The following BCAR3 variants were observed in gnomAD, a reference collection of about 807,000 sequenced individuals.
The protein encoded by BCAR3 is breast cancer anti-estrogen resistance protein 3.
A neutral mutation model predicts 80.1 loss-of-function variants in BCAR3; 37 were observed. The observed-to-expected ratio is 0.46, with a 90% CI of 0.36 to 0.61. The LOEUF (loss-of-function observed/expected upper bound fraction) is 0.61. BCAR3 is among the 20% of genes least tolerant of loss of function. The pLI is 0.00. For synonymous variants in BCAR3, 389 were observed against 418.9 expected (o/e 0.93, Z 0.87); for missense variants, 978 against 1,068.2 (o/e 0.92, Z 1.18).
In BCAR3 at chr1:93,562,275, A is replaced by G; in HGVS notation, c.2444T>C (p.Leu815Ser). The change falls in exon 12 of 12, where the codon TTG (leucine) becomes TCG (serine). Residue 815 changes from leucine (L) to serine (S), a missense_variant. Physicochemically the swap from Leu to Ser is moderately radical, Grantham distance 145 (BLOSUM62 -2). Coordinates refer to ENST00000260502, the MANE Select transcript of BCAR3 (RefSeq NM_003567.4). The stretch of plus-strand genomic sequence containing the variant: ...TGCCTGCTTTACAGGAGGAGGTTCC[A>G]ATTTACGCGAGAGGGCAGTTAAAAT... The part of the protein sequence containing the change: ...NQILTALSRK[L>S]EPPPVKQAEL The G allele has an allele frequency of 6.2e-7, 1 of 1,614,032 alleles. No homozygotes were observed. Among genetic ancestry groups the G allele is most frequent in the Non-Finnish European group, 8.5e-7 (1 of 1,179,942 alleles).
intron 11 of BCAR3, 60 bp downstream of exon 11, chr1:93,567,219 A>C: frequency 1.2e-5 from 18 of 1,469,436 alleles, no homozygotes; most frequent in Non-Finnish European, 1.7e-5. Context: ...ATGCTCTTCC[A>C]TTCCTTCATT....
intron 5 of BCAR3, among the ~76,000 whole-genome samples, chr1:93,587,761 C>A (rs1053911357): frequency 1.3e-5 from 2 of 150,874 alleles, no homozygotes; most frequent in African/African-American, 4.9e-5. Flanking sequence ...AGATTAGAAG[C>A]TGGGAGCCGG....
intron 2 of BCAR3, among the ~76,000 whole-genome samples, chr1:93,660,588 A>T (rs1408453934): frequency 6.6e-6 from 1 of 152,268 alleles, no homozygotes; most frequent in Non-Finnish European, 1.5e-5. Flanking sequence ...TTAGATTAGC[A>T]GGTTATTTAC....
chr1:93,616,808 G>T (rs1052605788), intron 3 of BCAR3, among the ~76,000 whole-genome samples: 2 of 152,138 alleles, frequency 1.3e-5, no homozygotes, highest in Non-Finnish European at 2.9e-5. Context: ...GAAGGGAGGG[G>T]CCCAGTCAGG....
chr1:93,751,192 G>T (rs1007364092), intron 2 of BCAR3, among the ~76,000 whole-genome samples: 2 of 152,120 alleles, frequency 1.3e-5, no homozygotes, highest in African/African-American at 2.4e-5. Context: ...TCAGTTCCAT[G>T]GGGAGGAAGT....
chr1:93,771,445 A>G (rs1441180643), intron 2 of BCAR3, among the ~76,000 whole-genome samples: 1 of 152,210 alleles, frequency 6.6e-6, no homozygotes, highest in Non-Finnish European at 1.5e-5. Context: ...TCTGTTTCCT[A>G]TTAAGACTCT....
chr1:93,788,072 CTTT>C (rs1310427758), intron 2 of BCAR3, among the ~76,000 whole-genome samples: 1 of 152,076 alleles, frequency 6.6e-6, no homozygotes, highest in Non-Finnish European at 1.5e-5. Flanking sequence ...TAATGTCCTT[CTTT>C]GTCTTTTTTT....
intron 11 of BCAR3, among the ~76,000 whole-genome samples, chr1:93,565,755 T>C (rs1487337059): frequency 6.6e-6 from 1 of 152,170 alleles, no homozygotes; most frequent in African/African-American, 2.4e-5. Context: ...ATGCGGTGCT[T>C]ATACCCACAG....
intron 2 of BCAR3, among the ~76,000 whole-genome samples, chr1:93,658,494 AT>A (rs1647496261): frequency 6.6e-6 from 1 of 151,950 alleles, no homozygotes; most frequent in Admixed American, 6.6e-5. Flanking sequence ...AAAAAAAAAA[AT>A]ACAAAAATTA....
In BCAR3 at chr1:93,589,278, C is replaced by T. The variant is rs113172289; in HGVS notation, c.628G>A (p.Glu210Lys). Reference sequence around the variant, plus strand: ...TGGTACTGCACGCGGCTGTAGGCCTCGCTGAGTCGCAGAACTGTCCGGTTG... The same window carrying T: ...TGGTACTGCACGCGGCTGTAGGCCTTGCTGAGTCGCAGAACTGTCCGGTTG... ...KINRTVLRLS[E>K]AYSRVQYQFE... Residue 210 changes from glutamate to lysine, a missense_variant, in exon 5 of 12, where the codon GAG becomes AAG. Transcript: ENST00000260502. 2.5e-4 allele frequency: 402 copies of T among 1,614,182 alleles called. 1 individual carries two copies. In the African/African-American group the frequency reaches 4.1e-3, roughly 17 times the overall value.
upstream of BCAR3, among the ~76,000 whole-genome samples, chr1:93,685,005 T>C (rs952576809): frequency 1.3e-5 from 2 of 152,170 alleles, no homozygotes; most frequent in African/African-American, 4.8e-5. Context: ...GCTGGGATTA[T>C]AGGCGTGAGC....
rs1264219096 is a variant in BCAR3, at chr1:93,582,351, T to C, written c.1636A>G (p.Asn546Asp). The C allele has an allele frequency of 1.2e-6, 2 of 1,614,098 alleles. No homozygotes were observed. The highest frequency in any genetic ancestry group is 2.2e-5 in the South Asian group (2 of 91,090). ...TGGGCGATGACCTTGGGGTCGTTGT[T>C]GGTGAACAGTTCTTTTGCACGTTTC... The part of the protein sequence containing the change: ...MLKRAKELFT[N>D]NDPKVIAQHV... Residue 546 changes from asparagine to aspartate, a missense_variant, in exon 7 of 12, where the codon AAC (asparagine) becomes GAC (aspartate). Transcript: ENST00000260502.
At chr1:93,583,277 G>T (rs1673795393) in intron 6 of BCAR3, among the ~76,000 whole-genome samples, 1 of 152,120 alleles carries the variant, frequency 6.6e-6, no homozygotes, top group Non-Finnish European at 1.5e-5. Flanking sequence ...TGAGCGAGGA[G>T]GGCATGAATA....
chr1:93,731,906 A>G (rs1650805815), intron 2 of BCAR3, among the ~76,000 whole-genome samples: 1 of 152,138 alleles, frequency 6.6e-6, no homozygotes, highest in African/African-American at 2.4e-5. Context: ...AAAGAGAAGG[A>G]AGGTAGCAAG....
chr1:93,625,406 G>A (rs933674702), intron 3 of BCAR3, among the ~76,000 whole-genome samples: 1 of 152,124 alleles, frequency 6.6e-6, no homozygotes, highest in Non-Finnish European at 1.5e-5. Flanking sequence ...AGACAGACAG[G>A]AGGGCACTGA....
intron 2 of BCAR3, among the ~76,000 whole-genome samples, chr1:93,736,559 G>A (rs570975871): frequency 6.6e-5 from 10 of 152,292 alleles, no homozygotes; most frequent in African/African-American, 2.4e-4. Flanking sequence ...CCCTCAAACT[G>A]TTCATGTATG....
At chr1:93,821,958 T>A (rs921739952) in intron 2 of BCAR3, among the ~76,000 whole-genome samples, 9 of 152,180 alleles carry the variant, frequency 5.9e-5, no homozygotes, top group Admixed American at 5.2e-4. Context: ...CAGTCTGCAA[T>A]AACTGAGTCA....
At chr1:93,564,290 C>CTTTTTTT (rs35780346) in intron 11 of BCAR3, among the ~76,000 whole-genome samples, 3 of 103,710 alleles carry the variant, frequency 2.9e-5, no homozygotes, top group Non-Finnish European at 4.0e-5. Context: ...TTCTTTCTTT[C>CTTTTTTT]TTTTTTTTTT....
chr1:93,839,028 C>G (rs765745456), intron 2 of BCAR3, among the ~76,000 whole-genome samples: 1 of 152,158 alleles, frequency 6.6e-6, no homozygotes, highest in Non-Finnish European at 1.5e-5. Flanking sequence ...AAGTGCCAGG[C>G]GTGGTGGCTC....
Sources: allele counts gnomAD v4.1 joint callset (sites outside exome capture counted in the v4.1 genomes callset), GRCh38; gene constraint gnomAD v4.1.1; transcripts MANE v1.5; gene names NCBI Gene and HGNC (gene_info 2026-07-23, HGNC 2026-07-21).